STK40: variants seen among roughly 807,000 people sequenced by gnomAD.
STK40 encodes serine/threonine-protein kinase 40.
Under a neutral mutation model 47.9 loss-of-function variants are expected in STK40, and 13 were observed. The ratio of observed to expected loss-of-function variants is 0.27; its 90% CI spans 0.18 to 0.43. STK40 has a LOEUF of 0.43. STK40 is among the 20% of genes least tolerant of loss of function. The pLI, the probability that STK40 is intolerant of heterozygous loss-of-function variation, is 1.00. For missense variants in STK40, 460 were observed against 595.1 expected, an observed-to-expected ratio of 0.77 and a Z score of 2.36; for synonymous variants, 225 against 243.2, an observed-to-expected ratio of 0.93 and a Z score of 0.69.
At chr1:36,351,845 T>C (rs1269100945) in intron 6 of STK40, among the ~76,000 whole-genome samples, 1 of 152,198 alleles carries the variant, frequency 6.6e-6, no homozygotes, top group African/African-American at 2.4e-5. Context: ...CAAGTTCCCA[T>C]GACAACCCTG....
intron 7 of STK40, among the ~76,000 whole-genome samples, chr1:36,346,151 C>T (rs145385344): frequency 0.031 from 4,738 of 150,684 alleles, 257 homozygotes; most frequent in African/African-American, 0.11. Flanking sequence ...CCCGCCACCA[C>T]GCCCGGCTAA....
chr1:36,378,694 T>G (rs1647012701), intron 1 of STK40, among the ~76,000 whole-genome samples: 1 of 152,204 alleles, frequency 6.6e-6, no homozygotes, highest in African/African-American at 2.4e-5. Flanking sequence ...CCTGAACTCG[T>G]GATCTGCCCG....
chr1:36,350,254 AG>A (rs1158337019), intron 6 of STK40, among the ~76,000 whole-genome samples: 1 of 152,196 alleles, frequency 6.6e-6, no homozygotes, highest in East Asian at 1.9e-4. Context: ...TTGCACGTCA[AG>A]GAGTGGGCTG....
At chr1:36,342,021 A>G in intron 10 of STK40, 48 bp from the exon 11 acceptor site, 1 of 1,538,460 alleles carries the variant, frequency 6.5e-7, no homozygotes, top group Non-Finnish European at 8.8e-7. Context: ...ACCCAGATGA[A>G]GGCAGCGCAG....
At chr1:36,376,063 C>T (rs1646990066) in intron 1 of STK40, among the ~76,000 whole-genome samples, 1 of 152,014 alleles carries the variant, frequency 6.6e-6, no homozygotes, top group Non-Finnish European at 1.5e-5. Flanking sequence ...GCGAGCAATA[C>T]AATTCACTTT....
intron 2 of STK40, 149 bp downstream of exon 2, chr1:36,361,072 G>T: frequency 1.2e-6 from 1 of 833,676 alleles, no homozygotes; most frequent in Non-Finnish European, 1.9e-6. Context: ...AAGTAGTGAA[G>T]CTAGGGACCA....
chr1:36,365,667 AC>A (rs1646895600), intron 1 of STK40, among the ~76,000 whole-genome samples: 1 of 152,030 alleles, frequency 6.6e-6, no homozygotes, highest in African/African-American at 2.4e-5. Flanking sequence ...TGCTTGCCTA[AC>A]TCCTACGCAT....
At chr1:36,371,748 C>CACT (rs1183850286) in intron 1 of STK40, among the ~76,000 whole-genome samples, 1 of 144,024 alleles carries the variant, frequency 6.9e-6, no homozygotes, top group Non-Finnish European at 1.5e-5. Context: ...GTAATCCCAG[C>CACT]ACTTTAGGAG....
chr1:36,378,720 G>A (rs1004581669), intron 1 of STK40, among the ~76,000 whole-genome samples: 6 of 152,224 alleles, frequency 3.9e-5, no homozygotes, highest in African/African-American at 1.2e-4. Flanking sequence ...GCCTCCCGAA[G>A]TGTTGAGATT....
intron 7 of STK40, 78 bp downstream of exon 7, chr1:36,348,622 C>A: frequency 7.1e-7 from 1 of 1,409,896 alleles, no homozygotes; most frequent in South Asian, 1.2e-5. Context: ...AGGGCCTGCC[C>A]ACAAATTTGC....
intron 1 of STK40, among the ~76,000 whole-genome samples, chr1:36,380,928 C>T (rs1647034691): frequency 6.6e-6 from 1 of 152,162 alleles, no homozygotes; most frequent in South Asian, 2.1e-4. Flanking sequence ...GCAGATTTCA[C>T]TGGCCATTAT....
rs1646644074 is a variant in STK40 at position 36,341,235 on chromosome 1, G to A, written c.*520C>T. 6.5e-6 allele frequency: 1 copy of A among 153,106 alleles called. No homozygotes were observed. Among genetic ancestry groups the A allele is most frequent in the African/African-American group, 2.4e-5 (1 of 41,164 alleles). The allele number at this position is 153,106 out of a possible 1,614,324, so 9.5% of individuals were successfully genotyped here. On this transcript the variant is annotated 3_prime_UTR_variant, in exon 11 of 11. Transcript: ENST00000373132. ...GAGTTCGGTTTAAGATGAGGTGAAG[G>A]TTTTCCAAAGCTTGGACTGAGGGGC...
intron 1 of STK40, among the ~76,000 whole-genome samples, chr1:36,380,278 G>A (rs1048548717): frequency 2.0e-5 from 3 of 152,118 alleles, no homozygotes; most frequent in Non-Finnish European, 2.9e-5. Context: ...CAAACCCAAG[G>A]ACAAATCATG....
chr1:36,371,370 T>C (rs999612901), intron 1 of STK40, among the ~76,000 whole-genome samples: 3 of 150,284 alleles, frequency 2.0e-5, no homozygotes, highest in Non-Finnish European at 3.0e-5. Context: ...CTGGCTAACA[T>C]GGTGAAACCC....
intron 1 of STK40, among the ~76,000 whole-genome samples, chr1:36,374,126 C>T (rs767255118): frequency 1.3e-5 from 2 of 152,264 alleles, no homozygotes; most frequent in Non-Finnish European, 2.9e-5. Context: ...CCAGGGTCTG[C>T]AGCTTGGTGA....
chr1:36,373,841 G>A (rs142764590), intron 1 of STK40, among the ~76,000 whole-genome samples: 1 of 152,330 alleles, frequency 6.6e-6, no homozygotes, highest in African/African-American at 2.4e-5. Flanking sequence ...TTGCCTTGGG[G>A]GTTATAAGTG....
intron 1 of STK40, among the ~76,000 whole-genome samples, chr1:36,380,618 C>T (rs1485528600): frequency 6.6e-6 from 1 of 152,212 alleles, no homozygotes; most frequent in East Asian, 1.9e-4. Context: ...CTGTTCAGGA[C>T]CCCATCAGTG....
chr1:36,374,870 C>T (rs1315826874), intron 1 of STK40, among the ~76,000 whole-genome samples: 2 of 152,192 alleles, frequency 1.3e-5, no homozygotes, highest in Non-Finnish European at 2.9e-5. Flanking sequence ...GAGGTCCTGG[C>T]ATGGGCATGT....
chr1:36,355,989 A>G (rs1418753158), intron 4 of STK40, among the ~76,000 whole-genome samples: 3 of 152,158 alleles, frequency 2.0e-5, no homozygotes, highest in African/African-American at 7.2e-5. Flanking sequence ...CGACAGTCAC[A>G]TGATGGCTAA....
Sources: allele counts gnomAD v4.1 joint callset (sites outside exome capture counted in the v4.1 genomes callset), GRCh38; gene constraint gnomAD v4.1.1; transcripts MANE v1.5; gene names NCBI Gene and HGNC (gene_info 2026-07-23, HGNC 2026-07-21).